FRMD4A: variants seen among roughly 807,000 people sequenced by gnomAD.
FRMD4A encodes FERM domain containing 4A, also known as FERM domain-containing protein 4A.
In FRMD4A, 29 loss-of-function variants were observed where a neutral mutation model predicts 129.1. The observed-to-expected ratio is 0.22, with a 90% CI of 0.17 to 0.31. The LOEUF is 0.31. Among genes scored for constraint, FRMD4A ranks in the 10% least tolerant of loss-of-function variants. The probability of loss-of-function intolerance (pLI) is 1.00; values close to 1 mark genes in which losing one functional copy is unlikely to be tolerated. For missense variants in FRMD4A, 1,272 were observed against 1,375.8 expected, an observed-to-expected ratio of 0.92 and a Z score of 1.19; for synonymous variants, 634 against 571.6, an observed-to-expected ratio of 1.11 and a Z score of -1.56.
At chr10:14,040,290 A>C (rs139229700) in intron 2 of FRMD4A, among the ~76,000 whole-genome samples, 2 of 152,234 alleles carry the variant, frequency 1.3e-5, no homozygotes, top group Non-Finnish European at 2.9e-5. Flanking sequence ...CCGAGAGAAA[A>C]TCCTTCTTCT....
At position 13,644,660 on chromosome 10, in the gene FRMD4A, G is replaced by A. The variant is rs1428782306; in HGVS notation, c.*2378C>T. The A allele has an allele frequency of 6.6e-6, 1 of 152,192 alleles. No homozygotes were observed. Among genetic ancestry groups the A allele is most frequent in the Non-Finnish European group, 1.5e-5 (1 of 68,034 alleles). 9.4% of individuals were successfully genotyped at this position (152,192 alleles called of 1,614,324 possible). The stretch of plus-strand genomic sequence containing the variant: ...AGCTACTATGCATGATGTAGAACAT[G>A]TAACCATGTAACCTCATCAGCTACC... On this transcript the variant is annotated 3_prime_UTR_variant, in exon 25 of 25. Transcript: ENST00000357447.
intron 2 of FRMD4A, among the ~76,000 whole-genome samples, chr10:14,251,887 G>GCACA (rs71388171): frequency 0.072 from 10,873 of 150,758 alleles, 702 homozygotes; most frequent in African/African-American, 0.18. Context: ...GCACACATGT[G>GCACA]CACACACACA....
chr10:13,693,905 C>T lies in FRMD4A; in HGVS notation c.1110G>A (p.Leu370=). The T allele has an allele frequency of 6.2e-7, 1 of 1,609,110 alleles. No homozygotes were observed. The highest frequency in any genetic ancestry group is 8.5e-7 in the Non-Finnish European group (1 of 1,178,350). Residue 370 remains leucine, a synonymous_variant, in exon 15 of 25, where the codon CTG becomes CTA. Coordinates refer to ENST00000357447, the MANE Select transcript of FRMD4A (RefSeq NM_018027.5). The stretch of plus-strand genomic sequence containing the variant: ...CAGCTGGCCTCTGCCTACCTGAAGA[C>T]AGCAGGCTGCCGCTGCTGCCGCTGA... ...KIISGSSGSL[L]SSGSQESDSS... is the part of the protein sequence containing the mutation.
intron 2 of FRMD4A, among the ~76,000 whole-genome samples, chr10:14,131,130 G>T (rs901753330): frequency 6.6e-6 from 1 of 152,218 alleles, no homozygotes; most frequent in Non-Finnish European, 1.5e-5. Flanking sequence ...TGCAGCATTT[G>T]TAGTAGAGAA....
At chr10:13,838,236 C>G (rs7913247) in intron 3 of FRMD4A, among the ~76,000 whole-genome samples, 2 of 151,192 alleles carry the variant, frequency 1.3e-5, no homozygotes, top group East Asian at 3.9e-4. Flanking sequence ...CAGACGTGCA[C>G]CACCATGCAG....
At chr10:13,861,803 C>A (rs1460140919) in intron 2 of FRMD4A, among the ~76,000 whole-genome samples, 2 of 152,172 alleles carry the variant, frequency 1.3e-5, no homozygotes, top group Non-Finnish European at 2.9e-5. Context: ...TTTTAAAAAT[C>A]CATCAGCTTC....
At chr10:13,936,457 G>A (rs534278573) in intron 2 of FRMD4A, among the ~76,000 whole-genome samples, 1 of 152,298 alleles carries the variant, frequency 6.6e-6, no homozygotes, top group South Asian at 2.1e-4. Context: ...CCAAGGTGAT[G>A]ATATTAGGAT....
At chr10:14,290,708 C>T (rs1845823454) in intron 2 of FRMD4A, among the ~76,000 whole-genome samples, 1 of 151,964 alleles carries the variant, frequency 6.6e-6, no homozygotes. Flanking sequence ...AAAGAACAAG[C>T]AACAAAGGCA....
At chr10:14,087,933 G>C (rs944242728) in intron 2 of FRMD4A, among the ~76,000 whole-genome samples, 1 of 152,168 alleles carries the variant, frequency 6.6e-6, no homozygotes, top group African/African-American at 2.4e-5. Flanking sequence ...GCTTCTGCTG[G>C]ATACTAAAAA....
chr10:14,319,631 C>G (rs1049433615), intron 2 of FRMD4A, among the ~76,000 whole-genome samples: 1 of 152,164 alleles, frequency 6.6e-6, no homozygotes, highest in Non-Finnish European at 1.5e-5. Context: ...CACTGTCTTG[C>G]ATCACAAGGT....
chr10:13,809,230 C>A (rs1326875505), intron 4 of FRMD4A, among the ~76,000 whole-genome samples: 2 of 152,208 alleles, frequency 1.3e-5, no homozygotes, highest in Admixed American at 6.5e-5. Flanking sequence ...AGACTCACAT[C>A]ATCTTCCCCT....
At chr10:13,972,341 G>A in intron 2 of FRMD4A, 1 of 985,156 alleles carries the variant, frequency 1.0e-6, no homozygotes, top group Non-Finnish European at 1.2e-6. Flanking sequence ...CAAGCAAAAA[G>A]TCCCATTCTG....
intron 2 of FRMD4A, among the ~76,000 whole-genome samples, chr10:14,251,172 T>A (rs1428717571): frequency 1.3e-5 from 2 of 152,200 alleles, no homozygotes; most frequent in Non-Finnish European, 2.9e-5. Context: ...AACTTATGGA[T>A]TTGTTTCTAA....
intron 2 of FRMD4A, among the ~76,000 whole-genome samples, chr10:13,951,335 T>G (rs1461654406): frequency 6.6e-6 from 1 of 151,988 alleles, no homozygotes; most frequent in Non-Finnish European, 1.5e-5. Flanking sequence ...AGAGAGGTAG[T>G]GCGCCATCTT....
At chr10:14,208,680 C>T (rs1419020469) in intron 2 of FRMD4A, among the ~76,000 whole-genome samples, 1 of 152,096 alleles carries the variant, frequency 6.6e-6, no homozygotes, top group Non-Finnish European at 1.5e-5. Context: ...TGACCTCTGG[C>T]CTCCCCTGAA....
rs201268430 is a variant in FRMD4A, at chr10:13,660,483, C to T, written c.1731G>A (p.Pro577=). 51 of 1,614,046 alleles carry T rather than the reference C, an allele frequency of 3.2e-5. No individual in the cohort carries two copies. The East Asian group carries it at 3.3e-4, about 11-fold the overall frequency. The change falls in exon 20 of 25, where the codon CCG becomes CCA. Residue 577 remains proline (P), a synonymous_variant. Coordinates refer to ENST00000357447, the MANE Select transcript of FRMD4A (RefSeq NM_018027.5). ...SPHKGLPPRP[P]SHNRPPPPQS... is the part of the protein sequence containing the mutation. ...GGGGAGGAGGAGGCCTGTTGTGCGA[C>T]GGTGGCCGAGGAGGGAGTCCCTTGT...
chr10:13,906,704 G>A (rs1267015876), intron 2 of FRMD4A, among the ~76,000 whole-genome samples: 1 of 152,160 alleles, frequency 6.6e-6, no homozygotes, highest in Admixed American at 6.5e-5. Context: ...CATCTTGTAA[G>A]TTAATCATAG....
At position 14,277,908 on chromosome 10, in the gene FRMD4A, T is replaced by C. The variant is rs17250842; in HGVS notation, c.45+52150A>G. 9.0e-3 allele frequency among the ~76,000 whole-genome samples: 1,368 copies of C among 152,256 alleles called. 6 individuals are homozygous for C. Among genetic ancestry groups the C allele is most frequent in the Middle Eastern group, 0.054 (16 of 294 alleles). On this transcript the variant is annotated intron_variant, in intron 2 of 24. Coordinates refer to ENST00000357447, the MANE Select transcript of FRMD4A (RefSeq NM_018027.5). Reference sequence around the variant, plus strand: ...AGCTCCCTTTAATGCACACTACAGTTGGTTGTAAATATGCCTGTTGAAATT... The same window carrying C: ...AGCTCCCTTTAATGCACACTACAGTCGGTTGTAAATATGCCTGTTGAAATT...
intron 9 of FRMD4A, among the ~76,000 whole-genome samples, chr10:13,743,326 C>A (rs1394086837): frequency 6.6e-6 from 1 of 152,176 alleles, no homozygotes; most frequent in African/African-American, 2.4e-5. Flanking sequence ...GGCTCCACTT[C>A]CTTCCATCCC....
Sources: gnomAD v4.1 joint callset for allele counts (sites outside exome capture counted in the v4.1 genomes callset) on GRCh38, gnomAD v4.1.1 for gene constraint, MANE v1.5 for transcripts, NCBI Gene and HGNC (gene_info 2026-07-23, HGNC 2026-07-21) for gene names.